The following MAP3K5 variants were observed in gnomAD, a reference collection of about 807,000 sequenced individuals.
MAP3K5 encodes the protein mitogen-activated protein kinase kinase kinase 5.
Under a neutral mutation model 158.7 loss-of-function variants are expected in MAP3K5, and 56 were observed. That is an observed-to-expected ratio of 0.35 (90% CI 0.28 to 0.44). The LOEUF is 0.44. Ranked by LOEUF, MAP3K5 falls within the 20% of genes least tolerant of loss-of-function variation. The pLI is 1.00. For missense variants in MAP3K5, 1,294 were observed against 1,674.8 expected (o/e 0.77, Z 3.97); for synonymous variants, 579 against 601.7 (o/e 0.96, Z 0.55).
chr6:136,669,270 A>T lies in MAP3K5; in HGVS notation c.1366+13T>A. 4 of 1,560,042 alleles carry T rather than the reference A, an allele frequency of 2.6e-6. No individual in the cohort carries two copies. The highest frequency in any genetic ancestry group is 3.5e-6 in the Non-Finnish European group (4 of 1,131,478). On this transcript the variant is annotated intron_variant, in intron 8 of 29. Transcript: ENST00000359015. Reference sequence around the variant, plus strand: ...TTTCTTGATTTCCATGTAAAATATCAAGTTGTAATTACCAACTTTCCGGAG... The same window carrying T: ...TTTCTTGATTTCCATGTAAAATATCTAGTTGTAATTACCAACTTTCCGGAG...
chr6:136,570,899 G>A (rs948194935), intron 25 of MAP3K5, among the ~76,000 whole-genome samples: 3 of 152,184 alleles, frequency 2.0e-5, no homozygotes, highest in African/African-American at 7.2e-5. Flanking sequence ...ACAGGAGACA[G>A]ATAAATTCCT....
At chr6:136,590,373 T>G (rs755366345) in intron 23 of MAP3K5, among the ~76,000 whole-genome samples, 1 of 152,136 alleles carries the variant, frequency 6.6e-6, no homozygotes, top group African/African-American at 2.4e-5. Context: ...CTGACAAGCT[T>G]TTGTTTTCTT....
intron 1 of MAP3K5, among the ~76,000 whole-genome samples, chr6:136,791,114 T>A (rs1284830769): frequency 6.6e-6 from 1 of 152,216 alleles, no homozygotes; most frequent in Non-Finnish European, 1.5e-5. Flanking sequence ...CAGTGTAAGT[T>A]GTAATGTTAT....
At chr6:136,711,402 T>C (rs1251853062) in intron 2 of MAP3K5, among the ~76,000 whole-genome samples, 1 of 152,090 alleles carries the variant, frequency 6.6e-6, no homozygotes, top group East Asian at 1.9e-4. Flanking sequence ...CGTTGGCTCA[T>C]GCCTGTAATC....
chr6:136,754,862 C>G, intron 1 of MAP3K5, among the ~76,000 whole-genome samples: 1 of 152,062 alleles, frequency 6.6e-6, no homozygotes, highest in Non-Finnish European at 1.5e-5. Context: ...AGGCACGTTC[C>G]TGGGGTCCAC....
intron 7 of MAP3K5, among the ~76,000 whole-genome samples, chr6:136,680,087 T>C (rs1211395388): frequency 6.6e-6 from 1 of 151,440 alleles, no homozygotes; most frequent in Non-Finnish European, 1.5e-5. Context: ...CCAAAGCAAA[T>C]ATAATACCAC....
At chr6:136,646,457 CAA>C (rs1256012678) in intron 11 of MAP3K5, among the ~76,000 whole-genome samples, 1 of 152,140 alleles carries the variant, frequency 6.6e-6, no homozygotes, top group African/African-American at 2.4e-5. Flanking sequence ...AAAACAATAA[CAA>C]ATTGCTGGAA....
chr6:136,729,168 G>T (rs1229742876), intron 1 of MAP3K5, among the ~76,000 whole-genome samples: 3 of 152,190 alleles, frequency 2.0e-5, no homozygotes, highest in Non-Finnish European at 4.4e-5. Context: ...ACAGCTCAAT[G>T]CCAGGAGGAC....
intron 19 of MAP3K5, among the ~76,000 whole-genome samples, chr6:136,604,830 A>C (rs970684582): frequency 6.6e-6 from 1 of 152,210 alleles, no homozygotes; most frequent in African/African-American, 2.4e-5. Context: ...GGAAATTATT[A>C]ATTTTGGTTT....
rs534694332 is a variant in MAP3K5, at chr6:136,686,377, C to A, written c.1253+7763G>T. On this transcript the variant is annotated intron_variant, in intron 7 of 29. Coordinates refer to ENST00000359015, the MANE Select transcript of MAP3K5 (RefSeq NM_005923.4). ...AAAAGCAGTAGAAGACAAGGACGGC[C>A]TCTCTCACCACTCCTATTCAACATA... 2.8e-3 allele frequency among the ~76,000 whole-genome samples: 421 copies of A among 152,274 alleles called. 1 individual carries two copies. The highest frequency in any genetic ancestry group is 9.4e-3 in the African/African-American group (389 of 41,550).
At chr6:136,559,162 C>A (rs1413886279) in intron 28 of MAP3K5, among the ~76,000 whole-genome samples, 2 of 152,078 alleles carry the variant, frequency 1.3e-5, no homozygotes, top group African/African-American at 4.8e-5. Context: ...ACCAGCCTGG[C>A]CAAAGTGGTG....
intron 23 of MAP3K5, among the ~76,000 whole-genome samples, chr6:136,590,837 G>A (rs535615583): frequency 6.6e-6 from 1 of 152,232 alleles, no homozygotes; most frequent in South Asian, 2.1e-4. Flanking sequence ...ATCACACCTG[G>A]CAAATTTGCA....
intron 14 of MAP3K5, chr6:136,630,250 A>G (rs1288687838): frequency 6.6e-6 from 1 of 152,510 alleles, no homozygotes; most frequent in Non-Finnish European, 1.5e-5. Flanking sequence ...GTCTACAGCT[A>G]TACCACCCTG....
intron 1 of MAP3K5, among the ~76,000 whole-genome samples, chr6:136,733,590 T>A (rs1582605701): frequency 6.6e-6 from 1 of 152,048 alleles, no homozygotes; most frequent in Admixed American, 6.6e-5. Flanking sequence ...ATGCCTTAAC[T>A]TTTTTTTGTC....
At chr6:136,575,898 T>G (rs557198168) in intron 25 of MAP3K5, among the ~76,000 whole-genome samples, 1 of 152,314 alleles carries the variant, frequency 6.6e-6, no homozygotes, top group East Asian at 1.9e-4. Flanking sequence ...AGTAAATATC[T>G]TGTGGGGAGA....
rs1783771759 is a variant in MAP3K5 at position 136,761,810 on chromosome 6, A to AATGG, written c.448+29899_448+29900insCCAT. On this transcript the variant is annotated intron_variant, in intron 1 of 29. Transcript: ENST00000359015. The stretch of plus-strand genomic sequence containing the variant: ...AGCAGGAAACTGCACTGATCAGAAG[A>AATGG]TAATTTCATAGTAACTACTCCGACA... Among the ~76,000 whole-genome samples the AATGG allele has an allele frequency of 2.6e-5, 4 of 152,054 alleles. No homozygotes were observed. In the East Asian group the frequency reaches 5.8e-4, roughly 22 times the overall value.
intron 1 of MAP3K5, among the ~76,000 whole-genome samples, chr6:136,762,112 T>C (rs1783785873): frequency 1.3e-5 from 2 of 152,206 alleles, no homozygotes; most frequent in Non-Finnish European, 2.9e-5. Flanking sequence ...TGCAAATATT[T>C]TTTGTTTCTA....
At chr6:136,693,945 A>G (rs560010050) in intron 7 of MAP3K5, among the ~76,000 whole-genome samples, 195 bp downstream of exon 7, 5 of 152,328 alleles carry the variant, frequency 3.3e-5, no homozygotes, top group Non-Finnish European at 5.9e-5. Flanking sequence ...CTAAGATCAC[A>G]TGACTGCACT....
intron 2 of MAP3K5, 65 bp from the exon 3 acceptor site, chr6:136,705,198 T>C (rs1438228251): frequency 1.3e-6 from 1 of 755,802 alleles, no homozygotes; most frequent in Non-Finnish European, 2.1e-6. Flanking sequence ...ACAACATTTA[T>C]TGAACTATGT....
Sources: allele counts gnomAD v4.1 joint callset (sites outside exome capture counted in the v4.1 genomes callset), GRCh38; gene constraint gnomAD v4.1.1; transcripts MANE v1.5; gene names NCBI Gene and HGNC (gene_info 2026-07-23, HGNC 2026-07-21).